RNF145: variants seen among roughly 807,000 people sequenced by gnomAD.
The protein encoded by RNF145 is ring finger protein 145.
A neutral mutation model predicts 57.3 loss-of-function variants in RNF145; 12 were observed. The observed-to-expected ratio is 0.21, with a 90% CI of 0.13 to 0.34. The LOEUF (loss-of-function observed/expected upper bound fraction) is 0.34. RNF145 is among the 10% of genes least tolerant of loss of function. The pLI is 1.00. For synonymous variants in RNF145, 262 were observed against 288.3 expected (o/e 0.91, Z 0.92); for missense variants, 429 against 799.0 (o/e 0.54, Z 5.58).
In RNF145 at chr5:159,168,985, G is replaced by C. The variant is rs1784466538; in HGVS notation, c.1009C>G (p.His337Asp). ...QTGLIELQVV[H>D]RAFLLSIILF... is the part of the protein sequence containing the mutation. ...ATAATACTGAGCAAGAATGCCCGAT[G>C]AACAACCTGCAGTTCTATCAGCCCA... The change falls in exon 8 of 11, where the codon CAT becomes GAT. Residue 337 changes from histidine to aspartate, a missense_variant. Physicochemically the swap from His to Asp is moderately conservative, Grantham distance 81. Around this residue, in one of 4 missense-constraint regions of RNF145, gnomAD observed 216 missense variants for 457.6 expected, o/e 0.47. Transcript: ENST00000424310. 1 of 1,609,520 alleles carries C rather than the reference G, an allele frequency of 6.2e-7. No homozygotes were observed. Among genetic ancestry groups the C allele is most frequent in the Non-Finnish European group, 8.5e-7 (1 of 1,178,684 alleles).
chr5:159,164,713 T>G (rs1357102780), intron 8 of RNF145, among the ~76,000 whole-genome samples: 1 of 152,202 alleles, frequency 6.6e-6, no homozygotes, highest in Non-Finnish European at 1.5e-5. Flanking sequence ...ACAACCCATT[T>G]CCTAAAATGT....
intron 4 of RNF145, among the ~76,000 whole-genome samples, chr5:159,177,267 C>T (rs1019503491): frequency 6.6e-6 from 1 of 152,012 alleles, no homozygotes; most frequent in Admixed American, 6.6e-5. Flanking sequence ...GCATAAAATC[C>T]AAGAGATATA....
Position 159,182,056 on chromosome 5 carries a change from A to G in RNF145, c.294-5T>C, listed in dbSNP as rs1428524258. On this transcript the variant is annotated splice_region_variant and splice_polypyrimidine_tract_variant and intron_variant, in intron 3 of 10. Transcript: ENST00000424310. Reference sequence around the variant, plus strand: ...AGTTCACTCCGAACATAGTCCCTAAATAAGAAAATTGATTAGAATGTATAT... The same window carrying G: ...AGTTCACTCCGAACATAGTCCCTAAGTAAGAAAATTGATTAGAATGTATAT... The G allele has an allele frequency of 2.6e-6, 4 of 1,553,734 alleles. No homozygotes were observed. Among genetic ancestry groups the G allele is most frequent in the South Asian group, 2.2e-5 (2 of 89,678 alleles).
chr5:159,159,669 G>A (rs536395852), intron 10 of RNF145, among the ~76,000 whole-genome samples: 12 of 152,260 alleles, frequency 7.9e-5, no homozygotes, highest in South Asian at 6.2e-4. Context: ...GTAACGATGG[G>A]ATTCATAAAA....
chr5:159,200,515 T>C (rs1374539278), intron 2 of RNF145, among the ~76,000 whole-genome samples: 1 of 152,120 alleles, frequency 6.6e-6, no homozygotes, highest in Non-Finnish European at 1.5e-5. Context: ...TATAACACAC[T>C]ATTCATACAG....
chr5:159,164,665 T>C (rs894807934), intron 8 of RNF145, among the ~76,000 whole-genome samples: 7 of 152,180 alleles, frequency 4.6e-5, no homozygotes, highest in Non-Finnish European at 8.8e-5. Flanking sequence ...GAAAATTACA[T>C]TGAAACCTCG....
At chr5:159,173,354 C>G (rs984480762) in intron 6 of RNF145, among the ~76,000 whole-genome samples, 2 of 152,166 alleles carry the variant, frequency 1.3e-5, no homozygotes, top group Non-Finnish European at 2.9e-5. Context: ...TTGAACACCC[C>G]TGGGTTAGAC....
At position 159,161,585 on chromosome 5, in the gene RNF145, A is replaced by C. The variant is rs530466069; in HGVS notation, c.1307T>G (p.Val436Gly). 1 of 1,608,752 alleles carries C rather than the reference A, an allele frequency of 6.2e-7. No homozygotes were observed. Among genetic ancestry groups the C allele is most frequent in the African/African-American group, 1.3e-5 (1 of 74,358 alleles). ...GTLFIYVLFM[V>G]EEFRKEPVEN... ...CACTGGCTCTTTTCTGAATTCCTCA[A>C]CCATAAATAAGACATAAATAAAAAG... Residue 436 changes from valine to glycine, a missense_variant, in exon 10 of 11, where the codon GTT becomes GGT. This residue lies in a region of RNF145 where 216 missense variants were observed against 457.6 expected (regional missense o/e 0.47). Coordinates refer to ENST00000424310, the MANE Select transcript of RNF145 (RefSeq NM_001199383.2).
At chr5:159,209,790 C>G (rs972088834), upstream of RNF145, 9 of 1,468,008 alleles carry the variant, frequency 6.1e-6, no homozygotes, top group African/African-American at 1.1e-4. Flanking sequence ...AGGCGCCATT[C>G]TGACACACGT....
chr5:159,188,559 C>G (rs887447058), intron 3 of RNF145, among the ~76,000 whole-genome samples: 3 of 152,198 alleles, frequency 2.0e-5, no homozygotes, highest in East Asian at 1.9e-4. Context: ...TCTCAATTTT[C>G]TATACGGATT....
chr5:159,174,655 G>A (rs545303695), intron 5 of RNF145, among the ~76,000 whole-genome samples: 1 of 152,138 alleles, frequency 6.6e-6, no homozygotes, highest in Non-Finnish European at 1.5e-5. Flanking sequence ...ATTTTGCAGA[G>A]CAAAGATAGT....
chr5:159,200,415 AT>A (rs887248795), intron 2 of RNF145, among the ~76,000 whole-genome samples: 117 of 152,330 alleles, frequency 7.7e-4, no homozygotes, highest in African/African-American at 2.8e-3. Context: ...GAAACAAAAT[AT>A]ATGTGAGAAT....
chr5:159,207,498 A>G, intron 1 of RNF145: 1 of 1,528,076 alleles, frequency 6.5e-7, no homozygotes, highest in Non-Finnish European at 8.8e-7. Flanking sequence ...CTTTCTCCCA[A>G]CCAGTTAAAA....
intron 3 of RNF145, among the ~76,000 whole-genome samples, chr5:159,185,235 T>C (rs1427282424): frequency 1.3e-5 from 2 of 152,134 alleles, no homozygotes; most frequent in African/African-American, 4.8e-5. Flanking sequence ...CTAGAAAGCC[T>C]GCAGACTCTC....
intron 1 of RNF145, among the ~76,000 whole-genome samples, chr5:159,206,263 GT>G (rs1785877045): frequency 1.3e-5 from 2 of 152,120 alleles, no homozygotes; most frequent in Admixed American, 6.5e-5. Flanking sequence ...GAAACTAAAT[GT>G]TGCATTTATT....
In RNF145 at chr5:159,203,633, CTTT is replaced by C. The variant is rs74770414; in HGVS notation, c.-19_-17del. 2 of 1,160,966 alleles carry C rather than the reference CTTT, an allele frequency of 1.7e-6. No individual in the cohort carries two copies. Among genetic ancestry groups the C allele is most frequent in the South Asian group, 1.6e-5 (1 of 63,080 alleles). The allele number at this position is 1,160,966 out of a possible 1,614,324, so 71.9% of individuals were successfully genotyped here. A position where few individuals can be genotyped will look rare whatever the true frequency, so the allele number is the denominator to read the frequency against. ...TTGCAGCCATGTTGTTTTTTTTTTTCTTTTTTTTTTTCTTGGAGAAGACCTAAA... is the reference window on the plus strand; with the variant it reads ...TTGCAGCCATGTTGTTTTTTTTTTTCTTTTTTTTCTTGGAGAAGACCTAAA... On this transcript the variant is annotated 5_prime_UTR_variant, in exon 2 of 11. Coordinates refer to ENST00000424310, the MANE Select transcript of RNF145 (RefSeq NM_001199383.2).
intron 8 of RNF145, among the ~76,000 whole-genome samples, chr5:159,165,781 G>A (rs544387253): frequency 6.7e-6 from 1 of 149,420 alleles, no homozygotes; most frequent in South Asian, 2.1e-4. Context: ...TTTTTACCTC[G>A]TGCTGCTATG....
intron 3 of RNF145, among the ~76,000 whole-genome samples, chr5:159,188,168 G>A (rs1785149744): frequency 6.6e-6 from 1 of 152,084 alleles, no homozygotes; most frequent in Non-Finnish European, 1.5e-5. Flanking sequence ...GGATCACAAG[G>A]TCAGGAGACT....
chr5:159,161,174 T>C (rs756394237), intron 10 of RNF145, 92 bp downstream of exon 10: 2 of 740,436 alleles, frequency 2.7e-6, no homozygotes, highest in Non-Finnish European at 4.3e-6. Context: ...TAATTTTGCC[T>C]AGAAATTTAA....
Sources: gnomAD v4.1 joint callset for allele counts (sites outside exome capture counted in the v4.1 genomes callset) on GRCh38, gnomAD v4.1.1 for gene constraint, gnomAD v4.1.1 regional missense constraint, MANE v1.5 for transcripts, NCBI Gene and HGNC (gene_info 2026-07-23, HGNC 2026-07-21) for gene names.